Variants in ZNF512 observed in about 807,000 individuals in gnomAD.
The protein encoded by ZNF512 is zinc finger protein 512.
In ZNF512, 25 loss-of-function variants were observed where a neutral mutation model predicts 77.5. The observed-to-expected ratio is 0.32, with a 90% confidence interval of 0.23 to 0.45. The LOEUF is 0.45. ZNF512 is among the 20% of genes least tolerant of loss of function. The probability of loss-of-function intolerance (pLI) is 1.00; values close to 1 mark genes in which losing one functional copy is unlikely to be tolerated. For synonymous variants in ZNF512, 246 were observed against 239.9 expected (o/e 1.03, Z -0.24); for missense variants, 483 against 692.6 (o/e 0.70, Z 3.40).
In ZNF512 at chr2:27,603,275, C is replaced by G; in HGVS notation, c.904C>G (p.Leu302Val). 6.2e-7 allele frequency: 1 copy of G among 1,614,008 alleles called. No individual in the cohort carries two copies. Among genetic ancestry groups the G allele is most frequent in the Non-Finnish European group, 8.5e-7 (1 of 1,179,940 alleles). The stretch of plus-strand genomic sequence containing the variant: ...AAAACCATATAGGTCGAAGGCTGGA[C>G]TTGCATATCACCTGAGGTCAGAGCA... Reference protein sequence around the residue: ...CGKPYRSKAGLAYHLRSEHGP... With the variant: ...CGKPYRSKAGVAYHLRSEHGP... The change falls in exon 9 of 14, where the codon CTT (leucine) becomes GTT (valine). Residue 302 changes from leucine (L) to valine (V), a missense_variant. Physicochemically the swap from Leu to Val is conservative, Grantham distance 32. Coordinates refer to ENST00000355467, the MANE Select transcript of ZNF512 (RefSeq NM_032434.4).
intron 2 of ZNF512, among the ~76,000 whole-genome samples, chr2:27,586,405 A>G (rs1671331668): frequency 6.6e-6 from 1 of 151,884 alleles, no homozygotes; most frequent in South Asian, 2.1e-4. Flanking sequence ...AAGTTTTTGT[A>G]TTTTAGTAGA....
At chr2:27,588,321 C>G (rs1671430822) in intron 2 of ZNF512, among the ~76,000 whole-genome samples, 1 of 151,946 alleles carries the variant, frequency 6.6e-6, no homozygotes, top group African/African-American at 2.4e-5. Flanking sequence ...GAGATTCCGT[C>G]TTAAGAAATA....
At chr2:27,616,539 T>C (rs1672888295) in intron 12 of ZNF512, among the ~76,000 whole-genome samples, 1 of 152,192 alleles carries the variant, frequency 6.6e-6, no homozygotes, top group Non-Finnish European at 1.5e-5. Context: ...TCACAAGTCA[T>C]TATCAATTTA....
chr2:27,611,791 G>A (rs1284955742), intron 10 of ZNF512, among the ~76,000 whole-genome samples: 4 of 150,636 alleles, frequency 2.7e-5, no homozygotes, highest in South Asian at 2.1e-4. Context: ...TCCGCCTCCC[G>A]GGTTCAAGCA....
At chr2:27,617,870 A>G (rs1672949750) in intron 13 of ZNF512, among the ~76,000 whole-genome samples, 1 of 146,450 alleles carries the variant, frequency 6.8e-6, no homozygotes, top group South Asian at 2.2e-4. Context: ...TGGTTGCGCT[A>G]CTGCACTCCA....
Position 27,617,880 on chromosome 2 carries a change from A to G in ZNF512, c.1395+309A>G, listed in dbSNP as rs575841403. 4.2e-4 allele frequency among the ~76,000 whole-genome samples: 60 copies of G among 143,828 alleles called. No homozygotes were observed. The South Asian group carries it at 0.013, about 31-fold the overall frequency. 94.4% of individuals were successfully genotyped at this position (143,828 alleles called of 152,430 possible). ...TGAGCTGGTTGCGCTACTGCACTCC[A>G]GCCTAGGCAACAGAGATCCTGACTC... On this transcript the variant is annotated intron_variant, in intron 13 of 13. Coordinates refer to ENST00000355467, the MANE Select transcript of ZNF512 (RefSeq NM_032434.4).
At chr2:27,618,066 C>T (rs1196324046) in intron 13 of ZNF512, among the ~76,000 whole-genome samples, 1 of 151,836 alleles carries the variant, frequency 6.6e-6, no homozygotes, top group East Asian at 1.9e-4. Flanking sequence ...ATTACAGGCA[C>T]CTGCCACCAT....
intron 13 of ZNF512, among the ~76,000 whole-genome samples, chr2:27,617,949 T>TA (rs1572938009): frequency 1.5e-5 from 2 of 132,282 alleles, no homozygotes; most frequent in East Asian, 2.6e-4. Flanking sequence ...ATCCTTGAAC[T>TA]CTTTTTTTTT....
At chr2:27,583,212 C>T (rs1199350456) in intron 1 of ZNF512, 70 bp downstream of exon 1, 1 of 1,606,302 alleles carries the variant, frequency 6.2e-7, no homozygotes. Context: ...CGGTCCCTCG[C>T]TTTTGTCCCA....
intron 9 of ZNF512, among the ~76,000 whole-genome samples, chr2:27,604,109 TA>T (rs1672253882): frequency 6.6e-6 from 1 of 151,640 alleles, no homozygotes; most frequent in South Asian, 2.1e-4. Context: ...GTATTTTTAT[TA>T]GAGACGGGGT....
chr2:27,601,762 C>A (rs1250690573), intron 7 of ZNF512, among the ~76,000 whole-genome samples: 7 of 152,186 alleles, frequency 4.6e-5, no homozygotes. Flanking sequence ...GATTGTCCTG[C>A]CTCAGCCTCC....
At chr2:27,603,448 A>G in intron 9 of ZNF512, 141 bp downstream of exon 9, 1 of 878,910 alleles carries the variant, frequency 1.1e-6, no homozygotes, top group Non-Finnish European at 1.6e-6. Context: ...TCTCTTCTTT[A>G]TTCGTTCTTT....
At chr2:27,609,300 A>C (rs1358500573) in intron 10 of ZNF512, among the ~76,000 whole-genome samples, 1 of 151,832 alleles carries the variant, frequency 6.6e-6, no homozygotes, top group Non-Finnish European at 1.5e-5. Context: ...TTATTTCTAC[A>C]TTTTTTTTGC....
chr2:27,603,671 A>G (rs1243446231), intron 9 of ZNF512, among the ~76,000 whole-genome samples: 1 of 147,784 alleles, frequency 6.8e-6, no homozygotes, highest in Non-Finnish European at 1.5e-5. Context: ...AGCTCACTGC[A>G]GCCTCGAACT....
chr2:27,612,991 G>A (rs1384527197), intron 10 of ZNF512, among the ~76,000 whole-genome samples: 1 of 152,082 alleles, frequency 6.6e-6, no homozygotes. Context: ...TATGTTCTGA[G>A]TCACTACTCC....
At chr2:27,595,364 G>A (rs758886111) in intron 2 of ZNF512, among the ~76,000 whole-genome samples, 2 of 148,566 alleles carry the variant, frequency 1.3e-5, no homozygotes, top group South Asian at 2.1e-4. Flanking sequence ...GCAGTGGTGC[G>A]ATCTCTGCTC....
intron 13 of ZNF512, among the ~76,000 whole-genome samples, chr2:27,617,977 C>G (rs868315211): frequency 7.0e-6 from 1 of 141,980 alleles, no homozygotes; most frequent in Non-Finnish European, 1.5e-5. Flanking sequence ...TAGACGGAGT[C>G]TCGCTCTGTT....
chr2:27,583,796 T>C, intron 2 of ZNF512, 80 bp downstream of exon 2: 1 of 1,508,402 alleles, frequency 6.6e-7, no homozygotes, highest in Non-Finnish European at 9.1e-7. Context: ...GATGAAAATG[T>C]TCTGTATCTG....
chr2:27,584,005 A>G (rs904035654), intron 2 of ZNF512, among the ~76,000 whole-genome samples: 1 of 152,226 alleles, frequency 6.6e-6, no homozygotes. Flanking sequence ...ACTGTCTAGT[A>G]TCATAGCTAC....
Sources: allele counts gnomAD v4.1 joint callset (sites outside exome capture counted in the v4.1 genomes callset), GRCh38; gene constraint gnomAD v4.1.1; transcripts MANE v1.5; gene names NCBI Gene and HGNC (gene_info 2026-07-23, HGNC 2026-07-21).